The following PDE1C variants were observed in gnomAD, a reference collection of about 807,000 sequenced individuals.
PDE1C encodes the protein dual specificity calcium/calmodulin-dependent 3',5'-cyclic nucleotide phosphodiesterase 1C.
Under a neutral mutation model 93.1 loss-of-function variants are expected in PDE1C, and 62 were observed. The observed-to-expected ratio is 0.67, with a 90% CI of 0.54 to 0.82. The LOEUF is 0.82. PDE1C is among the 40% of genes least tolerant of loss of function. The probability of loss-of-function intolerance (pLI) is 0.00; values close to 1 mark genes in which losing one functional copy is unlikely to be tolerated. For synonymous variants in PDE1C, 325 were observed against 310.1 expected (o/e 1.05, Z -0.50); for missense variants, 742 against 884.6 (o/e 0.84, Z 2.04).
intron 2 of PDE1C, among the ~76,000 whole-genome samples, chr7:32,201,206 A>C (rs56346122): frequency 0.12 from 18,568 of 152,202 alleles, 1,185 homozygotes; most frequent in South Asian, 0.19. Context: ...CAGCATTTCT[A>C]TGTGCTTGTA....
chr7:31,734,879 A>C, the PDE1C span, among the ~76,000 whole-genome samples: 5 of 152,220 alleles, frequency 3.3e-5, no homozygotes, highest in African/African-American at 1.2e-4. Context: ...TAACTTAAAA[A>C]GTAGACTAGG....
intron 1 of PDE1C, among the ~76,000 whole-genome samples, chr7:32,310,030 G>A (rs1238011287): frequency 6.6e-6 from 1 of 152,074 alleles, no homozygotes; most frequent in Non-Finnish European, 1.5e-5. Context: ...GACACACATA[G>A]GCTCAAAATA....
chr7:32,286,689 T>A (rs1363806625), intron 1 of PDE1C, among the ~76,000 whole-genome samples: 1 of 152,152 alleles, frequency 6.6e-6, no homozygotes, highest in African/African-American at 2.4e-5. Flanking sequence ...ATTTAAAATA[T>A]CCATATATAC....
chr7:32,196,082 C>T (rs938050317), intron 2 of PDE1C, among the ~76,000 whole-genome samples: 1 of 152,122 alleles, frequency 6.6e-6, no homozygotes, highest in Non-Finnish European at 1.5e-5. Flanking sequence ...GCCTAGGTTC[C>T]CCACATATTC....
chr7:32,243,831 G>C (rs1041267093), intron 1 of PDE1C, among the ~76,000 whole-genome samples: 1 of 152,224 alleles, frequency 6.6e-6, no homozygotes, highest in Non-Finnish European at 1.5e-5. Context: ...AGTGCAGTAA[G>C]AGGACAAGAG....
intron 2 of PDE1C, among the ~76,000 whole-genome samples, chr7:31,893,788 G>A (rs990023054): frequency 6.6e-6 from 1 of 151,950 alleles, no homozygotes; most frequent in African/African-American, 2.4e-5. Flanking sequence ...CACTCCACTT[G>A]CCCCAAACAA....
chr7:32,115,632 A>G (rs1242596385), intron 3 of PDE1C, among the ~76,000 whole-genome samples: 1 of 152,208 alleles, frequency 6.6e-6, no homozygotes, highest in Admixed American at 6.5e-5. Context: ...CTTAAAGTAC[A>G]ATAAAAAAAG....
At chr7:32,103,931 A>C (rs866926009) in intron 3 of PDE1C, among the ~76,000 whole-genome samples, 15 of 152,314 alleles carry the variant, frequency 9.8e-5, no homozygotes, top group Non-Finnish European at 1.5e-4. Context: ...AGAAGAAATA[A>C]AAAGATTCAA....
chr7:31,707,463 T>C, the PDE1C span: 1 of 581,968 alleles, frequency 1.7e-6, no homozygotes, highest in Non-Finnish European at 3.0e-6. Context: ...CTCTCTCTTC[T>C]TTCTGAGTAT....
At chr7:32,019,989 A>T (rs1186592375) in intron 2 of PDE1C, among the ~76,000 whole-genome samples, 2 of 152,098 alleles carry the variant, frequency 1.3e-5, no homozygotes, top group Non-Finnish European at 2.9e-5. Context: ...GTCTGCAGAG[A>T]TGAGATGAAG....
chr7:32,283,262 G>A (rs1018794612), intron 1 of PDE1C, among the ~76,000 whole-genome samples: 1 of 151,984 alleles, frequency 6.6e-6, no homozygotes, highest in Admixed American at 6.6e-5. Context: ...TGTTAGATGG[G>A]AAAAATAAAC....
chr7:32,073,122 C>G (rs1479144704), upstream of PDE1C, among the ~76,000 whole-genome samples: 1 of 152,108 alleles, frequency 6.6e-6, no homozygotes, highest in Non-Finnish European at 1.5e-5. Flanking sequence ...CTTTTTCCTA[C>G]TCTTAGTGGA....
At chr7:31,966,307 T>C (rs1809949768) in intron 2 of PDE1C, among the ~76,000 whole-genome samples, 1 of 152,078 alleles carries the variant, frequency 6.6e-6, no homozygotes, top group South Asian at 2.1e-4. Flanking sequence ...AGGGTTGCAA[T>C]CCTAGTCTCA....
the PDE1C span, among the ~76,000 whole-genome samples, chr7:31,742,300 T>G: frequency 6.6e-6 from 1 of 152,346 alleles, no homozygotes; most frequent in African/African-American, 2.4e-5. Flanking sequence ...AAGCCAACAC[T>G]TTCCTAAAGC....
In PDE1C at chr7:32,159,433, G is replaced by C. The variant is rs142742210; in HGVS notation, c.308+10352C>G. On this transcript the variant is annotated intron_variant, in intron 3 of 18. Transcript: ENST00000396193. ...CCTTATTACAGGGCACAGTTTTAAA[G>C]GGGTCTGCTTTATTTTTATTTAGGG... is the stretch of plus-strand genomic sequence containing the variant. 6.4e-3 allele frequency among the ~76,000 whole-genome samples: 982 copies of C among 152,280 alleles called. 17 individuals are homozygous for C. Among genetic ancestry groups the C allele is most frequent in the African/African-American group, 0.022 (922 of 41,552 alleles).
chr7:32,006,773 A>G (rs1324025944), intron 2 of PDE1C, among the ~76,000 whole-genome samples: 2 of 152,242 alleles, frequency 1.3e-5, no homozygotes, highest in Non-Finnish European at 2.9e-5. Context: ...TGAAAAACAG[A>G]GAGAAATTGT....
At chr7:31,906,138 G>A (rs996186772) in intron 2 of PDE1C, among the ~76,000 whole-genome samples, 4 of 152,182 alleles carry the variant, frequency 2.6e-5, no homozygotes, top group African/African-American at 4.8e-5. Context: ...CAGTTTCTTC[G>A]AAAATCTTCA....
At chr7:32,298,775 C>G (rs1245381069) in exon 1 of PDE1C, 1 of 1,551,626 alleles carries the variant, frequency 6.4e-7, no homozygotes, top group Non-Finnish European at 8.7e-7. Flanking sequence ...GCGAGACCAG[C>G]GGCGTCTGCG....
At chr7:32,044,597 C>A (rs1324155435) in intron 2 of PDE1C, among the ~76,000 whole-genome samples, 1 of 151,986 alleles carries the variant, frequency 6.6e-6, no homozygotes, top group Non-Finnish European at 1.5e-5. Context: ...AAAGAGGCCA[C>A]CCAATACTCT....
Sources: gnomAD v4.1 joint callset for allele counts (sites outside exome capture counted in the v4.1 genomes callset) on GRCh38, gnomAD v4.1.1 for gene constraint, MANE v1.5 for transcripts, NCBI Gene and HGNC (gene_info 2026-07-23, HGNC 2026-07-21) for gene names.